Variants in PEX3 observed in about 807,000 individuals in gnomAD.
PEX3 encodes peroxisomal biogenesis factor 3.
A neutral mutation model predicts 55.8 loss-of-function variants in PEX3; 30 were observed. That is an observed-to-expected ratio of 0.54 (90% CI 0.40 to 0.73). The LOEUF is 0.73. Ranked by LOEUF, PEX3 falls within the 30% of genes least tolerant of loss-of-function variation. The pLI is 0.00. For synonymous variants in PEX3, 135 were observed against 148.4 expected, an observed-to-expected ratio of 0.91 and a Z score of 0.66; for missense variants, 351 against 432.8, an observed-to-expected ratio of 0.81 and a Z score of 1.68.
rs370186215 is a variant in PEX3, at chr6:143,463,078, TTTG to T, written c.287+84_287+86del. 37 of 1,006,072 alleles carry T rather than the reference TTTG, an allele frequency of 3.7e-5. No individual in the cohort carries two copies. In the African/African-American group the frequency reaches 3.7e-4, roughly 10 times the overall value. 62.3% of individuals were successfully genotyped at this position (1,006,072 alleles called of 1,614,324 possible). ...TGAACTGATAGACTTTTCAAAAATC[TTTG>T]TTATTTTTCTATCTAATGAAAGTTT... On this transcript the variant is annotated intron_variant, in intron 3 of 11. Transcript: ENST00000367591. The surrounding 1 kb of genome is among the most constrained non-coding windows in gnomAD (Gnocchi z 5.7).
rs763370643 is a variant in PEX3, at chr6:143,479,219, G to T, written c.941+21G>T. 1 of 1,571,980 alleles carries T rather than the reference G, an allele frequency of 6.4e-7. No individual in the cohort carries two copies. The highest frequency in any genetic ancestry group is 8.8e-7 in the Non-Finnish European group (1 of 1,142,262). On this transcript the variant is annotated intron_variant, in intron 10 of 11. Coordinates refer to ENST00000367591, the MANE Select transcript of PEX3 (RefSeq NM_003630.3). This position sits in a 1 kb window ranked among gnomAD's most constrained non-coding sequence, Gnocchi z 4.6. ...AATAGGTAAGATGACATATAAAAAT[G>T]TTATACTAATGAATGCTCTAAAAAA...
intron 10 of PEX3, among the ~76,000 whole-genome samples, chr6:143,484,276 G>C (rs534136423): frequency 1.6e-4 from 24 of 152,182 alleles, no homozygotes; most frequent in Admixed American, 7.2e-4. Context: ...AAGTTAAAAA[G>C]TTATTGCTGT....
In PEX3 at chr6:143,451,096, C is replaced by T. The variant is rs1408332322; in HGVS notation, c.54C>T (p.Phe18=). ...FLKRHKKKCI[F]LGTVLGGVYI... Reference sequence around the variant, plus strand: ...AACGCCACAAAAAGAAATGCATCTTCCTGGGCACGGTCCTTGGAGGTGGGT... The same window carrying T: ...AACGCCACAAAAAGAAATGCATCTTTCTGGGCACGGTCCTTGGAGGTGGGT... The change falls in exon 1 of 12, where the codon TTC becomes TTT. Residue 18 remains phenylalanine (F), a synonymous_variant. Coordinates refer to ENST00000367591, the MANE Select transcript of PEX3 (RefSeq NM_003630.3). The surrounding 1 kb of genome is among the most constrained non-coding windows in gnomAD (Gnocchi z 4.1). 2.5e-6 allele frequency: 4 copies of T among 1,613,290 alleles called. No homozygotes were observed. Among genetic ancestry groups the T allele is most frequent in the Middle Eastern group, 1.6e-4 (1 of 6,062 alleles).
intron 9 of PEX3, 88 bp from the exon 10 acceptor site, chr6:143,478,988 G>A: frequency 2.7e-6 from 2 of 754,094 alleles, no homozygotes; most frequent in South Asian, 1.5e-5. Flanking sequence ...AATGTTGGTG[G>A]CTTTCAAAGG....
At position 143,479,295 on chromosome 6, in the gene PEX3, A is replaced by C; in HGVS notation, c.941+97A>C. 3.3e-6 allele frequency: 3 copies of C among 907,034 alleles called. No individual in the cohort carries two copies. The highest frequency in any genetic ancestry group is 1.8e-6 in the Non-Finnish European group (1 of 553,742). The allele number at this position is 907,034 out of a possible 1,614,324, so 56.2% of individuals were successfully genotyped here. A position where few individuals can be genotyped will look rare whatever the true frequency, so the allele number is the denominator to read the frequency against. The stretch of plus-strand genomic sequence containing the variant: ...CCAGATAACAACAACAAACCTATTA[A>C]ATTTGAGTGCCTCATTTTTTAACAA... On this transcript the variant is annotated intron_variant, in intron 10 of 11. Transcript: ENST00000367591. This position sits in a 1 kb window ranked among gnomAD's most constrained non-coding sequence, Gnocchi z 4.6.
rs1468931214 is a variant in PEX3 at position 143,483,590 on chromosome 6, T to G, written c.942-1562T>G. Among the ~76,000 whole-genome samples, 1 of 152,116 alleles carries G rather than the reference T, an allele frequency of 6.6e-6. No individual in the cohort carries two copies. The highest frequency in any genetic ancestry group is 1.5e-5 in the Non-Finnish European group (1 of 68,006). ...AGACAAAGCTGGAGAATGCAGCATA[T>G]ACAGATATGGCTGTCATCTGAGAAC... On this transcript the variant is annotated intron_variant, in intron 10 of 11. Transcript: ENST00000367591. The surrounding 1 kb of genome is among the most constrained non-coding windows in gnomAD (Gnocchi z 4.3).
At position 143,489,391 on chromosome 6, in the gene PEX3, TATA is replaced by T. The variant is rs1780356591; in HGVS notation, c.*166_*168del. On this transcript the variant is annotated 3_prime_UTR_variant, in exon 12 of 12. Transcript: ENST00000367591. This position sits in a 1 kb window ranked among gnomAD's most constrained non-coding sequence, Gnocchi z 5.5. Reference sequence around the variant, plus strand: ...GAAATCAATTTATTTGGCATCTTAATATATTTTTTTAGATTCATCAACAGACCA... The same window carrying T: ...GAAATCAATTTATTTGGCATCTTAATTTTTTTTAGATTCATCAACAGACCA... 8 of 566,738 alleles carry T rather than the reference TATA, an allele frequency of 1.4e-5. No individual in the cohort carries two copies. Among genetic ancestry groups the T allele is most frequent in the Non-Finnish European group, 2.2e-5 (7 of 317,920 alleles). The allele number at this position is 566,738 out of a possible 1,614,324, so 35.1% of individuals were successfully genotyped here. A position where few individuals can be genotyped will look rare whatever the true frequency, so the allele number is the denominator to read the frequency against.
Position 143,450,810 on chromosome 6 carries a change from G to T in PEX3, c.-233G>T. ...GGACCTGGGCTTGTCGGACCAGTGA[G>T]CGGCGGCGGCTGCGCGGCGGCAGCG... On this transcript the variant is annotated 5_prime_UTR_variant, in exon 1 of 12. Transcript: ENST00000367591. The T allele has an allele frequency of 1.2e-6, 1 of 840,104 alleles. No homozygotes were observed. 52.0% of individuals were successfully genotyped at this position (840,104 alleles called of 1,614,324 possible).
chr6:143,484,936 A>T, intron 10 of PEX3: 1 of 522,506 alleles, frequency 1.9e-6, no homozygotes, highest in South Asian at 2.1e-5. Flanking sequence ...GGTAGACACA[A>T]AAAAACAAAG....
In PEX3 at chr6:143,458,448, CCTGA is replaced by C. The variant is rs1349103964; in HGVS notation, c.74-634_74-631del. On this transcript the variant is annotated intron_variant, in intron 1 of 11. Coordinates refer to ENST00000367591, the MANE Select transcript of PEX3 (RefSeq NM_003630.3). This position sits in a 1 kb window ranked among gnomAD's most constrained non-coding sequence, Gnocchi z 6.1. The stretch of plus-strand genomic sequence containing the variant: ...ACATGGATGGATAAATAGACTTCTG[CCTGA>C]CTAACTACCTTTCTTTCATTGTTCC... Among the ~76,000 whole-genome samples, 4 of 152,058 alleles carry C rather than the reference CCTGA, an allele frequency of 2.6e-5. No homozygotes were observed. The highest frequency in any genetic ancestry group is 7.2e-5 in the African/African-American group (3 of 41,400).
intron 1 of PEX3, among the ~76,000 whole-genome samples, chr6:143,455,496 T>A (rs1779834187): frequency 6.7e-6 from 1 of 150,028 alleles, no homozygotes; most frequent in Non-Finnish European, 1.5e-5. Context: ...ATTACAGGCA[T>A]GAGCCACCGC....
chr6:143,471,543 T>G lies in PEX3; in HGVS notation c.524-14T>G. The G allele has an allele frequency of 6.2e-7, 1 of 1,609,276 alleles. No homozygotes were observed. The highest frequency in any genetic ancestry group is 8.5e-7 in the Non-Finnish European group (1 of 1,176,042). On this transcript the variant is annotated splice_polypyrimidine_tract_variant and intron_variant, in intron 6 of 11. Coordinates refer to ENST00000367591, the MANE Select transcript of PEX3 (RefSeq NM_003630.3). The surrounding 1 kb of genome is among the most constrained non-coding windows in gnomAD (Gnocchi z 5.4). ...AACTAAGCAAGGCTTTTAGGTTTGT[T>G]TTTTCTTTAATAGGCCTGACAGAAT...
rs578163257 is a variant in PEX3 at position 143,454,399 on chromosome 6, A to G, written c.73+3284A>G. Among the ~76,000 whole-genome samples, 5 of 152,384 alleles carry G rather than the reference A, an allele frequency of 3.3e-5. No homozygotes were observed. The highest frequency in any genetic ancestry group is 9.6e-5 in the African/African-American group (4 of 41,596). On this transcript the variant is annotated intron_variant, in intron 1 of 11. Transcript: ENST00000367591. The surrounding 1 kb of genome is among the most constrained non-coding windows in gnomAD (Gnocchi z 4.3). The stretch of plus-strand genomic sequence containing the variant: ...CACTGGAAAAAGTTTTGGAGAACAG[A>G]GAGCAACCAGATTGATATTTATTGA...
Position 143,485,080 on chromosome 6 carries a change from C to T in PEX3, c.942-72C>T. 4.7e-6 allele frequency: 4 copies of T among 848,798 alleles called. No homozygotes were observed. The highest frequency in any genetic ancestry group is 8.2e-6 in the Non-Finnish European group (4 of 487,482). 52.6% of individuals were successfully genotyped at this position (848,798 alleles called of 1,614,324 possible). ...AATATTCTACAATGGCTATGTATTA[C>T]TTTTATAATTAAGATGTTAAAGTCC... On this transcript the variant is annotated intron_variant, in intron 10 of 11. Coordinates refer to ENST00000367591, the MANE Select transcript of PEX3 (RefSeq NM_003630.3). The surrounding 1 kb of genome is among the most constrained non-coding windows in gnomAD (Gnocchi z 5.6).
In PEX3 at chr6:143,458,670, C is replaced by T. The variant is rs1425220924; in HGVS notation, c.74-415C>T. On this transcript the variant is annotated intron_variant, in intron 1 of 11. Transcript: ENST00000367591. The surrounding 1 kb of genome is among the most constrained non-coding windows in gnomAD (Gnocchi z 6.1). ...ACATTTCTGGGATCTTATTTTATCA[C>T]CTAACAGTATAACATGGATATTTCC... 6.6e-6 allele frequency among the ~76,000 whole-genome samples: 1 copy of T among 152,072 alleles called. No homozygotes were observed. Among genetic ancestry groups the T allele is most frequent in the Non-Finnish European group, 1.5e-5 (1 of 68,012 alleles).
In PEX3 at chr6:143,472,346, A is replaced by C. The variant is rs1042874113; in HGVS notation, c.747+18A>C. Reference sequence around the variant, plus strand: ...CAGTGCAGGTGCTTAATTCATAACCATTTAACCAAACCAGTTACTCTATTC... The same window carrying C: ...CAGTGCAGGTGCTTAATTCATAACCCTTTAACCAAACCAGTTACTCTATTC... On this transcript the variant is annotated intron_variant, in intron 8 of 11. Coordinates refer to ENST00000367591, the MANE Select transcript of PEX3 (RefSeq NM_003630.3). The C allele has an allele frequency of 1.3e-6, 2 of 1,567,012 alleles. No homozygotes were observed. The highest frequency in any genetic ancestry group is 1.8e-6 in the Non-Finnish European group (2 of 1,138,830).
intron 4 of PEX3, among the ~76,000 whole-genome samples, chr6:143,470,516 C>A (rs1444218042): frequency 2.6e-5 from 4 of 152,298 alleles, no homozygotes; most frequent in Non-Finnish European, 5.9e-5. Context: ...GCCTGTCTTA[C>A]CAGGCTTCCC....
chr6:143,471,704 C>CG lies in PEX3; in HGVS notation c.578+95dup. 1 of 899,658 alleles carries CG rather than the reference C, an allele frequency of 1.1e-6. No individual in the cohort carries two copies. The highest frequency in any genetic ancestry group is 1.7e-5 in the Admixed American group (1 of 58,208). 55.7% of individuals were successfully genotyped at this position (899,658 alleles called of 1,614,324 possible). On this transcript the variant is annotated intron_variant, in intron 7 of 11. Transcript: ENST00000367591. The surrounding 1 kb of genome is among the most constrained non-coding windows in gnomAD (Gnocchi z 5.4). ...CTAGTGAAACCAGTGACTTGACAAACGGTGATTTGTGAAACTCTTTGTAAT... is the reference window on the plus strand; with the variant it reads ...CTAGTGAAACCAGTGACTTGACAAACGGGTGATTTGTGAAACTCTTTGTAAT...
chr6:143,462,640 G>A lies in PEX3; in HGVS notation c.206-276G>A, dbSNP rs1221793317. On this transcript the variant is annotated intron_variant, in intron 2 of 11. Transcript: ENST00000367591. The surrounding 1 kb of genome is among the most constrained non-coding windows in gnomAD (Gnocchi z 4.1). ...TCAAAGACCACCACTGTTAAAATCT[G>A]AGAATAATTCTTTCTATTGTTTCTT... Among the ~76,000 whole-genome samples, 1 of 152,148 alleles carries A rather than the reference G, an allele frequency of 6.6e-6. No homozygotes were observed. Among genetic ancestry groups the A allele is most frequent in the Admixed American group, 6.5e-5 (1 of 15,270 alleles).
Sources: gnomAD v4.1 joint callset for allele counts (sites outside exome capture counted in the v4.1 genomes callset) on GRCh38, gnomAD v4.1.1 for gene constraint, Gnocchi (gnomAD v3.1) non-coding constraint, MANE v1.5 for transcripts, NCBI Gene and HGNC (gene_info 2026-07-23, HGNC 2026-07-21) for gene names.